Variants in SLC4A5 observed in about 807,000 individuals in gnomAD.
The protein encoded by SLC4A5 is solute carrier family 4 member 5, also known as electrogenic sodium bicarbonate cotransporter 4.
SLC4A5 carries 96 observed loss-of-function variants against 120.4 expected under a neutral mutation model. That is an observed-to-expected ratio of 0.80 (90% CI 0.68 to 0.94). The LOEUF (loss-of-function observed/expected upper bound fraction) is 0.94. SLC4A5 is among the 40% of genes least tolerant of loss of function. The pLI, the probability that SLC4A5 is intolerant of heterozygous loss-of-function variation, is 0.00. For missense variants in SLC4A5, 1,259 were observed against 1,459.5 expected, an observed-to-expected ratio of 0.86 and a Z score of 2.24; for synonymous variants, 550 against 571.1, an observed-to-expected ratio of 0.96 and a Z score of 0.53.
chr2:74,260,742 A>G (rs973234729), intron 11 of SLC4A5, among the ~76,000 whole-genome samples: 25 of 151,990 alleles, frequency 1.6e-4, no homozygotes, highest in Admixed American at 1.2e-3. Flanking sequence ...CTGCCTTCCA[A>G]TGTTGCCCCT....
At chr2:74,270,729 G>T (rs769374885) in intron 8 of SLC4A5, among the ~76,000 whole-genome samples, 8 of 152,192 alleles carry the variant, frequency 5.3e-5, no homozygotes, top group Non-Finnish European at 8.8e-5. Context: ...CACCAGGAGG[G>T]TGACCCTGCC....
At chr2:74,240,783 C>A (rs972882669) in intron 20 of SLC4A5, among the ~76,000 whole-genome samples, 6 of 142,468 alleles carry the variant, frequency 4.2e-5, no homozygotes, top group African/African-American at 1.3e-4. Context: ...AAAAAAAAAA[C>A]CCTAATCTTT....
intron 30 of SLC4A5, among the ~76,000 whole-genome samples, chr2:74,221,194 T>C (rs923518624): frequency 3.9e-5 from 6 of 152,232 alleles, no homozygotes; most frequent in Non-Finnish European, 8.8e-5. Context: ...AAGAATTTCC[T>C]TTACTAAAGT....
At chr2:74,268,039 T>C (rs1671358347) in intron 8 of SLC4A5, among the ~76,000 whole-genome samples, 2 of 152,072 alleles carry the variant, frequency 1.3e-5, no homozygotes, top group African/African-American at 4.8e-5. Flanking sequence ...CTATTAGGTT[T>C]TGAATAACAG....
intron 26 of SLC4A5, 100 bp downstream of exon 26, chr2:74,227,700 TAGGACAATTG>T (rs1694897883): frequency 6.6e-6 from 8 of 1,210,156 alleles, no homozygotes; most frequent in Non-Finnish European, 8.1e-6. Flanking sequence ...TTCATTGAAT[TAGGACAATTG>T]GGGACAATTG....
At chr2:74,319,315 A>G (rs1673039633) in intron 5 of SLC4A5, 1 of 152,186 alleles carries the variant, frequency 6.6e-6, no homozygotes, top group African/African-American at 2.4e-5. Flanking sequence ...CCACAATGAA[A>G]TATATGCATG....
chr2:74,287,392 G>A (rs1330731774), intron 7 of SLC4A5, among the ~76,000 whole-genome samples: 1 of 152,144 alleles, frequency 6.6e-6, no homozygotes, highest in African/African-American at 2.4e-5. Context: ...AGACAAGGGT[G>A]TGAGTCTCGG....
At chr2:74,304,798 G>T in intron 6 of SLC4A5, 118 bp from the exon 7 acceptor site, 1 of 980,820 alleles carries the variant, frequency 1.0e-6, no homozygotes, top group Non-Finnish European at 1.5e-6. Flanking sequence ...GACATGGAGT[G>T]CCAGGATGGG....
chr2:74,293,457 C>T (rs1176606767), intron 7 of SLC4A5, among the ~76,000 whole-genome samples: 2 of 152,204 alleles, frequency 1.3e-5, no homozygotes, highest in Non-Finnish European at 2.9e-5. Context: ...TCATTGGACA[C>T]CTGTCCCAAG....
At chr2:74,223,005 TTC>T in intron 28 of SLC4A5, 53 bp from the exon 29 acceptor site, 3 of 1,314,562 alleles carry the variant, frequency 2.3e-6, no homozygotes, top group Admixed American at 2.3e-5. Context: ...CAATTTGGCT[TTC>T]TTTTTTTTTT....
intron 8 of SLC4A5, among the ~76,000 whole-genome samples, chr2:74,273,581 TTGTGCTTTC>T (rs1671542403): frequency 6.6e-6 from 1 of 152,228 alleles, no homozygotes; most frequent in Admixed American, 6.5e-5. Flanking sequence ...CAAGACATGT[TTGTGCTTTC>T]TGCCTAAGGC....
intron 15 of SLC4A5, 123 bp downstream of exon 15, chr2:74,252,851 G>T: frequency 8.5e-7 from 1 of 1,175,452 alleles, no homozygotes; most frequent in Non-Finnish European, 1.2e-6. Flanking sequence ...GCATCCCAAA[G>T]TGTTGAGATT....
chr2:74,341,875 T>A (rs1463635845), intron 2 of SLC4A5, among the ~76,000 whole-genome samples: 1 of 152,192 alleles, frequency 6.6e-6, no homozygotes, highest in Non-Finnish European at 1.5e-5. Context: ...AAAGGGGGAC[T>A]CCGCCCAACC....
At chr2:74,232,680 T>C in intron 23 of SLC4A5, 33 bp from the exon 24 acceptor site, 1 of 1,604,826 alleles carries the variant, frequency 6.2e-7, no homozygotes, top group Non-Finnish European at 8.5e-7. Context: ...GGGAGAAGTT[T>C]CTGGGGAGCC....
chr2:74,230,234 C>T (rs549013871), intron 25 of SLC4A5, among the ~76,000 whole-genome samples: 2 of 152,180 alleles, frequency 1.3e-5, no homozygotes, highest in South Asian at 2.1e-4. Context: ...GAAAGTCTTA[C>T]GTGGGCACTG....
In SLC4A5 at chr2:74,316,724, G is replaced by A. The variant is rs78095376; in HGVS notation, c.-2-1699C>T. Among the ~76,000 whole-genome samples, 1,184 of 152,254 alleles carry A rather than the reference G, an allele frequency of 7.8e-3. 10 individuals carry two copies. Among genetic ancestry groups the A allele is most frequent in the African/African-American group, 0.026 (1,097 of 41,532 alleles). ...TAAGCAAGCACTGGCCTTGAGACAAGCAATATTAGAACAATTTGCAGCACA... is the reference window on the plus strand; with the variant it reads ...TAAGCAAGCACTGGCCTTGAGACAAACAATATTAGAACAATTTGCAGCACA... On this transcript the variant is annotated intron_variant, in intron 5 of 30. Transcript: ENST00000394019.
At position 74,233,536 on chromosome 2, in the gene SLC4A5, C is replaced by T. The variant is rs745738857; in HGVS notation, c.2461G>A (p.Val821Met). 6.8e-6 allele frequency: 11 copies of T among 1,613,872 alleles called. No homozygotes were observed. Among genetic ancestry groups the T allele is most frequent in the Admixed American group, 5.0e-5 (3 of 60,002 alleles). ...CACGGGTTCTTCCCAAAGGGGGCCA[C>T]GAACCAGCCTCGGTCAGGCCGCGTT... Residue 821 changes from valine (V) to methionine (M), a missense_variant, in exon 23 of 31, where the codon GTG becomes ATG. Transcript: ENST00000394019.
At chr2:74,239,529 G>A (rs761631232) in exon 21 of SLC4A5, 1 of 1,613,940 alleles carries the variant, frequency 6.2e-7, no homozygotes. Context: ...AGGTTAAGGA[G>A]GTTGTACTTG....
At chr2:74,252,346 G>A (rs1323344771) in exon 16 of SLC4A5, 1 of 1,613,588 alleles carries the variant, frequency 6.2e-7, no homozygotes, top group Non-Finnish European at 8.5e-7. Context: ...CTCCCACAGA[G>A]CCATTCATCT....
Sources: allele counts gnomAD v4.1 joint callset (sites outside exome capture counted in the v4.1 genomes callset), GRCh38; gene constraint gnomAD v4.1.1; transcripts MANE v1.5; gene names NCBI Gene and HGNC (gene_info 2026-07-23, HGNC 2026-07-21).